Variants in WLS observed in about 807,000 individuals in gnomAD.
WLS encodes protein wntless homolog.
WLS carries 23 observed loss-of-function variants against 62.8 expected under a neutral mutation model. That is an observed-to-expected ratio of 0.37 (90% CI 0.26 to 0.52). The LOEUF (loss-of-function observed/expected upper bound fraction) is 0.52, where lower values mean the gene tolerates loss of function less well. Ranked by LOEUF, WLS falls within the 20% of genes least tolerant of loss-of-function variation. WLS has a pLI of 0.92. For missense variants in WLS, 615 were observed against 697.3 expected (o/e 0.88, Z 1.33); for synonymous variants, 246 against 244.1 (o/e 1.01, Z -0.07).
At chr1:68,191,559 C>A (rs2100596808) in intron 2 of WLS, among the ~76,000 whole-genome samples, 1 of 152,234 alleles carries the variant, frequency 6.6e-6, no homozygotes, top group East Asian at 1.9e-4. Context: ...TCCAGGCACC[C>A]TCTTCCCTAA....
chr1:68,156,585 C>T (rs956483753), intron 3 of WLS, among the ~76,000 whole-genome samples: 7 of 152,150 alleles, frequency 4.6e-5, no homozygotes, highest in East Asian at 1.9e-4. Flanking sequence ...TTGCCCACCA[C>T]GGCACACATA....
chr1:68,109,061 C>T (rs1287284713), intron 11 of WLS, among the ~76,000 whole-genome samples: 1 of 152,170 alleles, frequency 6.6e-6, no homozygotes. Context: ...AAGTTATGTA[C>T]CACTTATGCA....
At chr1:68,200,365 T>C (rs906746671) in intron 1 of WLS, among the ~76,000 whole-genome samples, 2 of 152,056 alleles carry the variant, frequency 1.3e-5, no homozygotes, top group Admixed American at 1.3e-4. Flanking sequence ...TTTTATAATT[T>C]CATTTTATTT....
downstream of WLS, among the ~76,000 whole-genome samples, chr1:68,124,494 C>T (rs1017336): frequency 0.62 from 94,630 of 151,964 alleles, 30,181 homozygotes; most frequent in Middle Eastern, 0.72. Flanking sequence ...AAATCTTTCT[C>T]CTTTAAGGTC....
intron 2 of WLS, among the ~76,000 whole-genome samples, chr1:68,193,303 T>C (rs1042231862): frequency 1.1e-4 from 16 of 146,548 alleles, no homozygotes; most frequent in Middle Eastern, 3.5e-3. Flanking sequence ...CCAGATGCCA[T>C]ACATGTATTG....
In WLS at chr1:68,232,373, A is replaced by C. The variant is rs549868336; in HGVS notation, c.-74T>G. On this transcript the variant is annotated 5_prime_UTR_variant, in exon 1 of 12. Coordinates refer to ENST00000262348, the MANE Select transcript of WLS (RefSeq NM_024911.7). ...TGAGCTTTTTGCTCCCTCCTCTCACACACTCCCTCCTTCCTCGCCTCCTTT... is the reference window on the plus strand; with the variant it reads ...TGAGCTTTTTGCTCCCTCCTCTCACCCACTCCCTCCTTCCTCGCCTCCTTT... 1.8e-5 allele frequency: 28 copies of C among 1,544,056 alleles called. No homozygotes were observed. In the East Asian group the frequency reaches 6.5e-4, roughly 36 times the overall value.
intron 2 of WLS, among the ~76,000 whole-genome samples, chr1:68,172,559 A>T (rs1647170573): frequency 6.6e-6 from 1 of 152,200 alleles, no homozygotes; most frequent in Non-Finnish European, 1.5e-5. Context: ...TATATAAATA[A>T]GTATAATTCC....
intron 11 of WLS, chr1:68,100,735 T>C (rs1646066287): frequency 6.6e-6 from 1 of 152,116 alleles, no homozygotes; most frequent in Non-Finnish European, 1.5e-5. Context: ...TTTGTGGCAA[T>C]AAGATACCAT....
At chr1:68,200,853 T>C (rs921287118) in intron 1 of WLS, among the ~76,000 whole-genome samples, 16 of 152,160 alleles carry the variant, frequency 1.1e-4, no homozygotes. Flanking sequence ...ATAAAACATA[T>C]TGAGCACTTA....
intron 11 of WLS, among the ~76,000 whole-genome samples, chr1:68,130,048 A>G (rs907617662): frequency 1.2e-4 from 19 of 152,168 alleles, no homozygotes; most frequent in Non-Finnish European, 2.2e-4. Context: ...ATGCATCCAT[A>G]TGTGTGGAGT....
rs112624515 is a variant in WLS, at chr1:68,192,940, CAA to C, written c.379+1013_379+1014del. Among the ~76,000 whole-genome samples the C allele has an allele frequency of 3.7e-3, 472 of 126,728 alleles. 6 individuals carry two copies. The highest frequency in any genetic ancestry group is 0.011 in the African/African-American group (350 of 33,156). 83.1% of individuals were successfully genotyped at this position (126,728 alleles called of 152,430 possible). A position where few individuals can be genotyped will look rare whatever the true frequency, so the allele number is the denominator to read the frequency against. ...TAAAACCCCATCTCCACTAAAAATACAAAAAAAAAAAAAAAAAATTTTGCTGG... is the reference window on the plus strand; with the variant it reads ...TAAAACCCCATCTCCACTAAAAATACAAAAAAAAAAAAAAAATTTTGCTGG... On this transcript the variant is annotated intron_variant, in intron 2 of 11. Transcript: ENST00000262348.
rs553326939 is a variant in WLS at position 68,227,991 on chromosome 1, C to T, written c.106+4203G>A. On this transcript the variant is annotated intron_variant, in intron 1 of 11. Coordinates refer to ENST00000262348, the MANE Select transcript of WLS (RefSeq NM_024911.7). ...GGGTCACAGTAAAGACCAGTTGCCT[C>T]CACTTAAACAATACTAGCACAATCG... 5.1e-4 allele frequency among the ~76,000 whole-genome samples: 78 copies of T among 152,284 alleles called. No individual in the cohort carries two copies. In the East Asian group the frequency reaches 6.4e-3, roughly 12 times the overall value.
chr1:68,140,151 AT>A (rs1201245490), intron 10 of WLS, among the ~76,000 whole-genome samples: 1 of 152,228 alleles, frequency 6.6e-6, no homozygotes, highest in African/African-American at 2.4e-5. Flanking sequence ...TAGGTAGGTA[AT>A]ATTTCCATTC....
chr1:68,113,418 C>T (rs1178488541), intron 11 of WLS, among the ~76,000 whole-genome samples: 1 of 152,196 alleles, frequency 6.6e-6, no homozygotes, highest in Non-Finnish European at 1.5e-5. Context: ...CAGGTAATTA[C>T]TGAGCCACTC....
chr1:68,119,519 C>T (rs1646338702), intron 11 of WLS, among the ~76,000 whole-genome samples: 2 of 152,222 alleles, frequency 1.3e-5, no homozygotes, highest in Non-Finnish European at 1.5e-5. Context: ...GGCGGTGGCC[C>T]TCTACCTACA....
At chr1:68,113,967 C>T (rs1646259565) in intron 11 of WLS, among the ~76,000 whole-genome samples, 1 of 152,224 alleles carries the variant, frequency 6.6e-6, no homozygotes, top group Non-Finnish European at 1.5e-5. Flanking sequence ...AAATCCAATG[C>T]TACTCAACTG....
At chr1:68,216,223 C>T (rs1399248722) in intron 1 of WLS, among the ~76,000 whole-genome samples, 1 of 152,108 alleles carries the variant, frequency 6.6e-6, no homozygotes, top group Non-Finnish European at 1.5e-5. Context: ...ATTCAAATCC[C>T]GAGTTATTCC....
chr1:68,122,478 G>A (rs1235161467), downstream of WLS, among the ~76,000 whole-genome samples: 1 of 152,212 alleles, frequency 6.6e-6, no homozygotes, highest in Non-Finnish European at 1.5e-5. Context: ...AATCCACTGG[G>A]ATAACCAACA....
At chr1:68,098,731 C>T (rs1382648006) in exon 12 of WLS, 27 of 1,613,522 alleles carry the variant, frequency 1.7e-5, no homozygotes, top group Non-Finnish European at 2.1e-5. Context: ...AATCTTCCCT[C>T]GATTTACATG....
Sources: allele counts gnomAD v4.1 joint callset (sites outside exome capture counted in the v4.1 genomes callset), GRCh38; gene constraint gnomAD v4.1.1; transcripts MANE v1.5; gene names NCBI Gene and HGNC (gene_info 2026-07-23, HGNC 2026-07-21).